The following SASH1 variants were observed in gnomAD, a reference collection of about 807,000 sequenced individuals.
SASH1 encodes the protein SAM and SH3 domain containing 1.
Under a neutral mutation model 125.2 loss-of-function variants are expected in SASH1, and 44 were observed. The ratio of observed to expected loss-of-function variants is 0.35; its 90% CI spans 0.28 to 0.45. The LOEUF (loss-of-function observed/expected upper bound fraction) is 0.45, where lower values mean the gene tolerates loss of function less well. Among genes scored for constraint, SASH1 ranks in the 20% least tolerant of loss-of-function variants. The probability of loss-of-function intolerance (pLI) is 1.00; values close to 1 mark genes in which losing one functional copy is unlikely to be tolerated. For synonymous variants in SASH1, 639 were observed against 649.1 expected, an observed-to-expected ratio of 0.98 and a Z score of 0.24; for missense variants, 1,426 against 1,614.5, an observed-to-expected ratio of 0.88 and a Z score of 2.00.
chr6:148,408,938 CT>C (rs1397042967), intron 2 of SASH1, among the ~76,000 whole-genome samples: 2 of 152,332 alleles, frequency 1.3e-5, no homozygotes, highest in African/African-American at 4.8e-5. Flanking sequence ...AAGGCAGCCC[CT>C]GCCTCCCTCC....
intron 2 of SASH1, among the ~76,000 whole-genome samples, chr6:148,392,561 C>T (rs887746953): frequency 1.3e-5 from 2 of 152,190 alleles, no homozygotes; most frequent in East Asian, 1.9e-4. Flanking sequence ...TCTGTTTCCA[C>T]GGTAAGACTA....
intron 2 of SASH1, among the ~76,000 whole-genome samples, chr6:148,392,380 A>G (rs1783765052): frequency 6.6e-6 from 1 of 152,116 alleles, no homozygotes; most frequent in Non-Finnish European, 1.5e-5. Context: ...TAGGGTGAGC[A>G]CACACACAAA....
At chr6:148,293,019 G>A (rs916783635) in intron 1 of SASH1, among the ~76,000 whole-genome samples, 15 of 151,140 alleles carry the variant, frequency 9.9e-5, no homozygotes, top group African/African-American at 3.7e-4. Flanking sequence ...ACCACCCACT[G>A]TACTCCAGCC....
chr6:148,233,642 C>T, the SASH1 span, among the ~76,000 whole-genome samples: 5 of 149,064 alleles, frequency 3.4e-5, no homozygotes, highest in South Asian at 2.1e-4. Flanking sequence ...CGCCTGTAAT[C>T]GCAGCACTTT....
At chr6:148,344,065 T>C (rs1478824074) in intron 1 of SASH1, among the ~76,000 whole-genome samples, 4 of 152,230 alleles carry the variant, frequency 2.6e-5, no homozygotes, top group Non-Finnish European at 5.9e-5. Flanking sequence ...TGAGATCTTA[T>C]ATTTTTTGAG....
the SASH1 span, among the ~76,000 whole-genome samples, chr6:148,257,222 T>C: frequency 2.0e-4 from 31 of 152,276 alleles, 1 homozygote; most frequent in African/African-American, 7.2e-4. Context: ...CCAGTTCCGA[T>C]CTTAAACCTT....
At chr6:148,243,641 A>G in the SASH1 span, among the ~76,000 whole-genome samples, 1 of 122,260 alleles carries the variant, frequency 8.2e-6, no homozygotes, top group African/African-American at 3.4e-5. Flanking sequence ...AAAACTGTGA[A>G]ACTGTGTCTC....
At chr6:148,264,129 G>A in the SASH1 span, among the ~76,000 whole-genome samples, 12 of 136,072 alleles carry the variant, frequency 8.8e-5, no homozygotes, top group South Asian at 2.4e-4. Flanking sequence ...GAAGGTATGC[G>A]TTTCAATGAC....
chr6:148,285,452 G>A (rs1490085326), intron 1 of SASH1, among the ~76,000 whole-genome samples: 1 of 152,184 alleles, frequency 6.6e-6, no homozygotes, highest in Non-Finnish European at 1.5e-5. Flanking sequence ...TGGCTATTGG[G>A]GGCCCAGGGA....
intron 2 of SASH1, among the ~76,000 whole-genome samples, chr6:148,392,786 C>G (rs1404802757): frequency 1.3e-5 from 2 of 152,230 alleles, no homozygotes; most frequent in African/African-American, 4.8e-5. Context: ...AGCCTGACGC[C>G]TTGGCCCAGG....
intron 1 of SASH1, among the ~76,000 whole-genome samples, chr6:148,307,076 C>CTTTCTTTCTT (rs1780158695): frequency 6.8e-6 from 1 of 146,784 alleles, no homozygotes; most frequent in African/African-American, 2.6e-5. Context: ...TTCTTTCTTT[C>CTTTCTTTCTT]TTTCTTTCTT....
intron 1 of SASH1, among the ~76,000 whole-genome samples, chr6:148,326,329 T>TATATATATATATGC (rs1562326044): frequency 1.6e-5 from 1 of 62,382 alleles, no homozygotes; most frequent in Non-Finnish European, 3.0e-5. Context: ...CATGCATATA[T>TATATATATATATGC]ATATATATAT....
At chr6:148,273,984 G>A (rs1779125758) in intron 1 of SASH1, among the ~76,000 whole-genome samples, 1 of 152,228 alleles carries the variant, frequency 6.6e-6, no homozygotes, top group Admixed American at 6.5e-5. Context: ...CTTTGCTTGG[G>A]CAAATTTCTC....
chr6:148,467,304 C>G (rs975148733), intron 4 of SASH1, among the ~76,000 whole-genome samples: 4 of 152,010 alleles, frequency 2.6e-5, no homozygotes, highest in Non-Finnish European at 5.9e-5. Flanking sequence ...GCCATGTTGT[C>G]CAGTCTGGTC....
At chr6:148,362,565 GAAAGT>G (rs1782279001) in intron 1 of SASH1, among the ~76,000 whole-genome samples, 1 of 142,592 alleles carries the variant, frequency 7.0e-6, no homozygotes, top group African/African-American at 2.7e-5. Context: ...TTTTTTTTTT[GAAAGT>G]GAGGTGAGGG....
At chr6:148,338,043 T>A (rs924315932), upstream of SASH1, among the ~76,000 whole-genome samples, 1 of 146,676 alleles carries the variant, frequency 6.8e-6, no homozygotes, top group Non-Finnish European at 1.5e-5. Context: ...GGTATACCCA[T>A]CTTCAATGGA....
intron 17 of SASH1, among the ~76,000 whole-genome samples, chr6:148,541,049 A>G (rs1292378580): frequency 1.3e-5 from 2 of 152,136 alleles, no homozygotes; most frequent in East Asian, 3.9e-4. Context: ...CAGAAAAGGT[A>G]CTTGTCTCAA....
At chr6:148,267,795 T>C (rs1016750241), upstream of SASH1, among the ~76,000 whole-genome samples, 1 of 152,166 alleles carries the variant, frequency 6.6e-6, no homozygotes, top group South Asian at 2.1e-4. Context: ...AGTCCCACCA[T>C]ACCTGCAGAA....
intron 1 of SASH1, among the ~76,000 whole-genome samples, chr6:148,296,144 G>A (rs369141227): frequency 1.4e-5 from 2 of 141,998 alleles, no homozygotes; most frequent in Non-Finnish European, 3.1e-5. Context: ...TTGTTGTTTT[G>A]AGACAGAGTC....
Sources: gnomAD v4.1 joint callset for allele counts (sites outside exome capture counted in the v4.1 genomes callset) on GRCh38, gnomAD v4.1.1 for gene constraint, MANE v1.5 for transcripts, NCBI Gene and HGNC (gene_info 2026-07-23, HGNC 2026-07-21) for gene names.